MAPK4: variants seen among roughly 807,000 people sequenced by gnomAD.
The protein encoded by MAPK4 is mitogen-activated protein kinase 4.
In MAPK4, 22 loss-of-function variants were observed where a neutral mutation model predicts 47.7. The ratio of observed to expected loss-of-function variants is 0.46; its 90% CI spans 0.33 to 0.66. MAPK4 has a LOEUF of 0.66. MAPK4 is among the 30% of genes least tolerant of loss of function. The pLI is 0.02. For synonymous variants in MAPK4, 390 were observed against 365.7 expected (o/e 1.07, Z -0.76); for missense variants, 736 against 831.7 (o/e 0.88, Z 1.42).
At chr18:50,728,742 C>T (rs908030329) in intron 5 of MAPK4, among the ~76,000 whole-genome samples, 2 of 152,240 alleles carry the variant, frequency 1.3e-5, no homozygotes, top group African/African-American at 2.4e-5. Flanking sequence ...CTCAGATCTA[C>T]AGAATCAACA....
intron 1 of MAPK4, among the ~76,000 whole-genome samples, chr18:50,602,459 C>G (rs182014352): frequency 3.9e-5 from 6 of 152,292 alleles, no homozygotes; most frequent in African/African-American, 1.2e-4. Flanking sequence ...AGCCCTGCCC[C>G]CTGAGCCTAG....
intron 1 of MAPK4, among the ~76,000 whole-genome samples, chr18:50,602,794 C>T (rs1414914610): frequency 1.3e-5 from 2 of 152,246 alleles, no homozygotes; most frequent in Non-Finnish European, 2.9e-5. Context: ...GAATCAGCAA[C>T]CCCATTCCCT....
At chr18:50,725,650 A>G (rs900146378) in intron 4 of MAPK4, among the ~76,000 whole-genome samples, 2 of 152,104 alleles carry the variant, frequency 1.3e-5, no homozygotes, top group African/African-American at 4.8e-5. Context: ...ATCCCCCACC[A>G]CATAAACTAC....
intron 3 of MAPK4, among the ~76,000 whole-genome samples, chr18:50,717,848 C>T (rs999463290): frequency 6.6e-6 from 1 of 152,214 alleles, no homozygotes; most frequent in Non-Finnish European, 1.5e-5. Context: ...CCTAAGCCCA[C>T]AGGTGAAAAG....
chr18:50,699,536 G>C (rs1482298219), intron 2 of MAPK4, among the ~76,000 whole-genome samples: 1 of 152,016 alleles, frequency 6.6e-6, no homozygotes, highest in Non-Finnish European at 1.5e-5. Context: ...TGTATACTGG[G>C]GGCTAAAAGC....
intron 3 of MAPK4, among the ~76,000 whole-genome samples, chr18:50,718,021 T>C (rs540951056): frequency 1.3e-5 from 2 of 152,334 alleles, no homozygotes; most frequent in East Asian, 1.9e-4. Context: ...AGGGAACTTA[T>C]GGTCTTGAGA....
chr18:50,655,498 A>G (rs988115425), intron 1 of MAPK4, among the ~76,000 whole-genome samples: 2 of 152,134 alleles, frequency 1.3e-5, no homozygotes, highest in Non-Finnish European at 2.9e-5. Flanking sequence ...CTGCAAAGGA[A>G]AATGAGTTCC....
In MAPK4 at chr18:50,729,702, G is replaced by A. The variant is rs1265400798; in HGVS notation, c.1612G>A (p.Asp538Asn). The change falls in exon 6 of 6, where the codon GAC becomes AAC. Residue 538 changes from aspartate (D) to asparagine (N), a missense_variant. By Grantham distance (23) the Asp-to-Asn change is conservative (BLOSUM62 1). Coordinates refer to ENST00000400384, the MANE Select transcript of MAPK4 (RefSeq NM_002747.4). ...PVDGGASPQF[D>N]LDVFISRALK... ...GGACGGCGGCGCCAGCCCCCAGTTCGACCTGGACGTGTTCATCTCCCGCGC... is the reference window on the plus strand; with the variant it reads ...GGACGGCGGCGCCAGCCCCCAGTTCAACCTGGACGTGTTCATCTCCCGCGC... The A allele has an allele frequency of 8.9e-6, 14 of 1,565,682 alleles. No homozygotes were observed. The highest frequency in any genetic ancestry group is 1.2e-5 in the South Asian group (1 of 84,724).
chr18:50,637,048 A>G (rs190774078), intron 1 of MAPK4, among the ~76,000 whole-genome samples: 7 of 150,710 alleles, frequency 4.6e-5, no homozygotes, highest in Non-Finnish European at 1.0e-4. Context: ...GTCTTCCCAA[A>G]GCACTGGTGA....
At chr18:50,603,493 C>T (rs530160743) in intron 1 of MAPK4, among the ~76,000 whole-genome samples, 40 of 152,278 alleles carry the variant, frequency 2.6e-4, no homozygotes, top group African/African-American at 8.9e-4. Flanking sequence ...TATTGGGGTT[C>T]CTGCAGGATC....
At chr18:50,696,917 A>G (rs1909543111) in intron 2 of MAPK4, among the ~76,000 whole-genome samples, 1 of 151,818 alleles carries the variant, frequency 6.6e-6, no homozygotes, top group Non-Finnish European at 1.5e-5. Context: ...GAGAGAGAAA[A>G]AAGTGGGGCC....
chr18:50,619,587 C>T (rs1259011915), intron 1 of MAPK4, among the ~76,000 whole-genome samples: 1 of 152,162 alleles, frequency 6.6e-6, no homozygotes, highest in Non-Finnish European at 1.5e-5. Context: ...CCTCAGCCTC[C>T]CAAAGTGCTG....
At chr18:50,655,357 A>G (rs1187277016) in intron 1 of MAPK4, among the ~76,000 whole-genome samples, 1 of 152,128 alleles carries the variant, frequency 6.6e-6, no homozygotes, top group East Asian at 1.9e-4. Flanking sequence ...GTGTTTGTGA[A>G]GGGTCATCCC....
chr18:50,605,530 G>A (rs2042575456), intron 1 of MAPK4, among the ~76,000 whole-genome samples: 1 of 152,208 alleles, frequency 6.6e-6, no homozygotes, highest in East Asian at 1.9e-4. Context: ...TTATGCCCCT[G>A]CTCCTATGGC....
rs1395896055 is a variant in MAPK4 at position 50,731,501 on chromosome 18, A to T, written c.*1647A>T. On this transcript the variant is annotated 3_prime_UTR_variant, in exon 6 of 6. Coordinates refer to ENST00000400384, the MANE Select transcript of MAPK4 (RefSeq NM_002747.4). ...AGCAAACTATAATTTGTACGTTGAA[A>T]CCTGCAACACATTAGAAACTTATAT... The T allele has an allele frequency of 2.0e-5, 3 of 152,562 alleles. No individual in the cohort carries two copies. The highest frequency in any genetic ancestry group is 7.2e-5 in the African/African-American group (3 of 41,572). 9.5% of individuals were successfully genotyped at this position (152,562 alleles called of 1,614,324 possible).
At chr18:50,702,846 C>T (rs1299582348) in intron 2 of MAPK4, among the ~76,000 whole-genome samples, 2 of 152,048 alleles carry the variant, frequency 1.3e-5, no homozygotes, top group African/African-American at 2.4e-5. Flanking sequence ...CAAACAGGGC[C>T]GGACCTACTG....
chr18:50,596,697 T>C (rs962251177), intron 1 of MAPK4, among the ~76,000 whole-genome samples: 2 of 152,186 alleles, frequency 1.3e-5, no homozygotes, highest in Non-Finnish European at 2.9e-5. Context: ...TAATGTCAGA[T>C]AAGGGAAGCA....
chr18:50,624,084 G>A (rs1015039470), intron 1 of MAPK4, among the ~76,000 whole-genome samples: 3 of 152,174 alleles, frequency 2.0e-5, no homozygotes, highest in African/African-American at 7.2e-5. Context: ...ATTTATTCCT[G>A]CTGATTTTAT....
chr18:50,603,458 C>G (rs111400278), intron 1 of MAPK4, among the ~76,000 whole-genome samples: 4,314 of 152,240 alleles, frequency 0.028, 189 homozygotes, highest in African/African-American at 0.098. Context: ...TCCTCCTAAA[C>G]TCTCCTATGT....
Sources: gnomAD v4.1 joint callset for allele counts (sites outside exome capture counted in the v4.1 genomes callset) on GRCh38, gnomAD v4.1.1 for gene constraint, MANE v1.5 for transcripts, NCBI Gene and HGNC (gene_info 2026-07-23, HGNC 2026-07-21) for gene names.